HELZ: variants seen among roughly 807,000 people sequenced by gnomAD.
The protein encoded by HELZ is ATP-dependent RNA helicase with zinc finger domain.
In HELZ, 23 loss-of-function variants were observed where a neutral mutation model predicts 218.2. The ratio of observed to expected loss-of-function variants is 0.11; its 90% CI spans 0.08 to 0.15. HELZ has a LOEUF of 0.15. Among genes scored for constraint, HELZ ranks in the 10% least tolerant of loss-of-function variants. HELZ has a pLI of 1.00. For synonymous variants in HELZ, 814 were observed against 829.4 expected (o/e 0.98, Z 0.32); for missense variants, 1,813 against 2,353.7 (o/e 0.77, Z 4.75).
chr17:67,195,143 A>C (rs1283757154), intron 8 of HELZ, among the ~76,000 whole-genome samples: 4 of 152,212 alleles, frequency 2.6e-5, no homozygotes, highest in African/African-American at 9.7e-5. Flanking sequence ...ATAGATTGTT[A>C]AGAATGATGT....
chr17:67,086,890 A>AGTAGATGAG lies in HELZ; in HGVS notation c.5424_5432dup (p.Ser1809_Thr1811dup). The AGTAGATGAG allele has an allele frequency of 6.2e-7, 1 of 1,612,410 alleles. No individual in the cohort carries two copies. Among genetic ancestry groups the AGTAGATGAG allele is most frequent in the South Asian group, 1.1e-5 (1 of 91,022 alleles). On this transcript the variant is annotated inframe_insertion, in exon 32 of 33. Transcript: ENST00000358691. The stretch of plus-strand genomic sequence containing the variant: ...CATTGCACGGAATGTTCTGATAAGG[A>AGTAGATGAG]GTAGATGAGGTGGTGTTTACCCAGG...
rs1216684347 is a variant in HELZ at position 67,078,053 on chromosome 17, T to A, written c.*199A>T. On this transcript the variant is annotated 3_prime_UTR_variant, in exon 33 of 33. Coordinates refer to ENST00000358691, the MANE Select transcript of HELZ (RefSeq NM_014877.4). ...ATTCTACATAAAAGCTGTCAAAGTT[T>A]TGACACATCAAAAATGCAAAATAAT... 1.9e-5 allele frequency: 9 copies of A among 482,238 alleles called. No individual in the cohort carries two copies. The highest frequency in any genetic ancestry group is 2.9e-5 in the Non-Finnish European group (8 of 273,006). The allele number at this position is 482,238 out of a possible 1,614,324, so 29.9% of individuals were successfully genotyped here. A position where few individuals can be genotyped will look rare whatever the true frequency, so the allele number is the denominator to read the frequency against.
chr17:67,233,420 T>C (rs2041090827), intron 3 of HELZ, among the ~76,000 whole-genome samples: 1 of 152,146 alleles, frequency 6.6e-6, no homozygotes, highest in Non-Finnish European at 1.5e-5. Context: ...ACTATGGCAC[T>C]TCCTACTCTC....
intron 32 of HELZ, among the ~76,000 whole-genome samples, chr17:67,083,457 T>G (rs916868570): frequency 2.6e-5 from 4 of 151,926 alleles, no homozygotes; most frequent in African/African-American, 9.7e-5. Flanking sequence ...CTGGCCAACA[T>G]GGTGAAACCC....
intron 24 of HELZ, among the ~76,000 whole-genome samples, chr17:67,125,611 T>C (rs1320676688): frequency 1.3e-5 from 2 of 151,970 alleles, no homozygotes; most frequent in Admixed American, 1.3e-4. Context: ...CAGGGACAAC[T>C]GCTTAGCATG....
At chr17:67,230,501 G>A (rs1303450849) in intron 3 of HELZ, among the ~76,000 whole-genome samples, 2 of 150,312 alleles carry the variant, frequency 1.3e-5, no homozygotes, top group Non-Finnish European at 2.9e-5. Context: ...GGAAGCTGAG[G>A]CAGGAGAATC....
intron 17 of HELZ, among the ~76,000 whole-genome samples, chr17:67,159,062 A>C (rs573888133): frequency 6.6e-6 from 1 of 152,230 alleles, no homozygotes; most frequent in African/African-American, 2.4e-5. Flanking sequence ...AAAACAACTT[A>C]TATCATTAAA....
At chr17:67,195,493 ATTT>A in intron 7 of HELZ, 23 bp from the exon 8 acceptor site, 1 of 1,480,690 alleles carries the variant, frequency 6.8e-7, no homozygotes, top group Non-Finnish European at 9.4e-7. Context: ...AAATGAAAGA[ATTT>A]TTTAAACAAG....
At position 67,188,299 on chromosome 17, in the gene HELZ, GAA is replaced by G; in HGVS notation, c.1162+18_1162+19del. The G allele has an allele frequency of 6.3e-7, 1 of 1,587,820 alleles. No individual in the cohort carries two copies. The highest frequency in any genetic ancestry group is 8.6e-7 in the Non-Finnish European group (1 of 1,164,056). ...TGCTTTTTAACACATTGTATCGGGG[GAA>G]AAAAGTCTAAATATTACCTTCTGTA... On this transcript the variant is annotated intron_variant, in intron 12 of 32. Transcript: ENST00000358691. The surrounding 1 kb of genome is among the most constrained non-coding windows in gnomAD (Gnocchi z 4.1).
At chr17:67,203,992 GATC>G (rs2040234583) in intron 5 of HELZ, among the ~76,000 whole-genome samples, 2 of 151,890 alleles carry the variant, frequency 1.3e-5, no homozygotes, top group South Asian at 4.2e-4. Context: ...CAATCATGAG[GATC>G]ATGTTTCTAA....
intron 15 of HELZ, among the ~76,000 whole-genome samples, chr17:67,163,717 G>GT (rs1281534651): frequency 1.3e-5 from 2 of 151,926 alleles, no homozygotes; most frequent in Non-Finnish European, 2.9e-5. Context: ...ATTTCTTTAT[G>GT]TATAGAGATG....
At chr17:67,103,670 A>G (rs1349820484) in intron 31 of HELZ, among the ~76,000 whole-genome samples, 3 of 152,196 alleles carry the variant, frequency 2.0e-5, no homozygotes, top group Admixed American at 6.5e-5. Context: ...ATACTCCCCA[A>G]ATTAATCTAG....
chr17:67,163,688 C>T (rs548283074), intron 15 of HELZ, among the ~76,000 whole-genome samples: 1 of 152,208 alleles, frequency 6.6e-6, no homozygotes, highest in South Asian at 2.1e-4. Context: ...AGGCGTGACC[C>T]ACCGCACCCA....
At chr17:67,180,638 G>A (rs1218386507) in intron 12 of HELZ, among the ~76,000 whole-genome samples, 1 of 152,108 alleles carries the variant, frequency 6.6e-6, no homozygotes, top group Non-Finnish European at 1.5e-5. Context: ...AGCAGTTTGG[G>A]AGGCTGAGGC....
intron 3 of HELZ, among the ~76,000 whole-genome samples, chr17:67,236,854 A>G (rs2041197979): frequency 6.6e-6 from 1 of 152,144 alleles, no homozygotes; most frequent in African/African-American, 2.4e-5. Context: ...TAAAGTCTCA[A>G]AAGGACCACC....
chr17:67,167,926 G>C lies in HELZ; in HGVS notation c.1431-130C>G, dbSNP rs146535678. The C allele has an allele frequency of 2.3e-3, 1,525 of 675,462 alleles. 16 individuals carry two copies. The African/African-American group carries it at 0.025, about 11-fold the overall frequency. The allele number at this position is 675,462 out of a possible 1,614,324, so 41.8% of individuals were successfully genotyped here. Reference sequence around the variant, plus strand: ...ACCATTATATCAATTCCACTTCATTGAGCTAAAAACTGTATTTTTCTGCCT... The same window carrying C: ...ACCATTATATCAATTCCACTTCATTCAGCTAAAAACTGTATTTTTCTGCCT... On this transcript the variant is annotated intron_variant, in intron 13 of 32. Transcript: ENST00000358691.
intron 25 of HELZ, 134 bp downstream of exon 25, chr17:67,123,829 G>GTGTGTGTGT: frequency 1.4e-6 from 1 of 709,696 alleles, no homozygotes; most frequent in Non-Finnish European, 2.6e-6. Context: ...GTGTGTGTGT[G>GTGTGTGTGT]TGTGTGTGTG....
chr17:67,204,561 T>C (rs1189874465), intron 5 of HELZ, among the ~76,000 whole-genome samples: 1 of 152,194 alleles, frequency 6.6e-6, no homozygotes, highest in Non-Finnish European at 1.5e-5. Context: ...CATCAACTTA[T>C]TTAACCCTTC....
chr17:67,107,997 G>C (rs2037161097), intron 30 of HELZ, among the ~76,000 whole-genome samples: 3 of 152,148 alleles, frequency 2.0e-5, no homozygotes, highest in Admixed American at 6.5e-5. Flanking sequence ...AAGGGATTAG[G>C]AAACACTTCA....
Sources: allele counts gnomAD v4.1 joint callset (sites outside exome capture counted in the v4.1 genomes callset), GRCh38; gene constraint gnomAD v4.1.1; non-coding constraint Gnocchi (gnomAD v3.1); transcripts MANE v1.5; gene names NCBI Gene and HGNC (gene_info 2026-07-23, HGNC 2026-07-21).